The following RALGPS2 variants were observed in gnomAD, a reference collection of about 807,000 sequenced individuals.
The protein encoded by RALGPS2 is Ral GEF with PH domain and SH3 binding motif 2, also known as ras-specific guanine nucleotide-releasing factor RalGPS2.
A neutral mutation model predicts 86.8 loss-of-function variants in RALGPS2; 43 were observed. That is an observed-to-expected ratio of 0.50 (90% CI 0.39 to 0.64). The LOEUF (loss-of-function observed/expected upper bound fraction) is 0.64, where lower values mean the gene tolerates loss of function less well. RALGPS2 is among the 30% of genes least tolerant of loss of function. The pLI is 0.00. For missense variants in RALGPS2, 536 were observed against 694.6 expected (o/e 0.77, Z 2.57); for synonymous variants, 243 against 231.3 (o/e 1.05, Z -0.46).
At chr1:178,865,351 G>C (rs1460037819) in intron 8 of RALGPS2, 1 of 1,614,082 alleles carries the variant, frequency 6.2e-7, no homozygotes, top group South Asian at 1.1e-5. Context: ...CCCTCTTACG[G>C]ATAATCTCAT....
intron 10 of RALGPS2, among the ~76,000 whole-genome samples, chr1:178,881,386 CTT>C (rs1219395726): frequency 6.6e-6 from 1 of 152,092 alleles, no homozygotes; most frequent in Non-Finnish European, 1.5e-5. Flanking sequence ...GAAACAGTGT[CTT>C]TGCATGGCGA....
chr1:178,756,155 G>C (rs963701469), intron 1 of RALGPS2, among the ~76,000 whole-genome samples: 1 of 151,898 alleles, frequency 6.6e-6, no homozygotes, highest in Admixed American at 6.6e-5. Context: ...TTGTGGAAGA[G>C]CTCTTTAATT....
In RALGPS2 at chr1:178,825,743, G is replaced by T. The variant is rs1455217342; in HGVS notation, c.480+4039G>T. ...AAAATAAAATAAAATAAAAAATTTA[G>T]CTCCTTGATCATACTAGCCACATTG... On this transcript the variant is annotated intron_variant, in intron 7 of 19. Transcript: ENST00000367635. 5.3e-5 allele frequency among the ~76,000 whole-genome samples: 8 copies of T among 152,114 alleles called. No homozygotes were observed. In the East Asian group the frequency reaches 1.5e-3, roughly 29 times the overall value.
chr1:178,852,756 AT>A (rs1558150044), intron 8 of RALGPS2: 1 of 1,613,870 alleles, frequency 6.2e-7, no homozygotes, highest in Non-Finnish European at 8.5e-7. Context: ...AATCCCCTGC[AT>A]TTCCCTGGTA....
intron 19 of RALGPS2, among the ~76,000 whole-genome samples, chr1:178,910,054 T>G (rs568086871): frequency 6.6e-6 from 1 of 152,280 alleles, no homozygotes; most frequent in African/African-American, 2.4e-5. Flanking sequence ...TTGATTTGGC[T>G]CTCAGTTTGA....
intron 1 of RALGPS2, among the ~76,000 whole-genome samples, chr1:178,750,982 A>G (rs1465782060): frequency 6.6e-6 from 1 of 152,172 alleles, no homozygotes; most frequent in Non-Finnish European, 1.5e-5. Context: ...GGAATTGGAC[A>G]ATGTATGGCC....
rs184377175 is a variant in RALGPS2, at chr1:178,735,998, A to T, written c.-84+10579A>T. Among the ~76,000 whole-genome samples, 592 of 151,950 alleles carry T rather than the reference A, an allele frequency of 3.9e-3. 3 individuals carry two copies. The highest frequency in any genetic ancestry group is 5.0e-3 in the Non-Finnish European group (339 of 67,974). On this transcript the variant is annotated intron_variant, in intron 1 of 19. Transcript: ENST00000367635. ...CCTGTACTTACATAATTTCCTTTTG[A>T]TGAATTCCTAAAAAGGGAGTTATTT...
chr1:178,725,511 G>T (rs1216747868), intron 1 of RALGPS2, 92 bp downstream of exon 1: 7 of 153,330 alleles, frequency 4.6e-5, no homozygotes, highest in South Asian at 1.9e-4. Flanking sequence ...GAATGGCGGC[G>T]GCGGCGCTGC....
At chr1:178,829,890 G>A (rs552436916) in intron 7 of RALGPS2, among the ~76,000 whole-genome samples, 12 of 151,956 alleles carry the variant, frequency 7.9e-5, no homozygotes, top group South Asian at 2.1e-4. Context: ...GATTACAGGC[G>A]CCCACCATTT....
At chr1:178,861,156 T>A (rs1415921577) in intron 8 of RALGPS2, among the ~76,000 whole-genome samples, 2 of 152,216 alleles carry the variant, frequency 1.3e-5, no homozygotes, top group East Asian at 1.9e-4. Flanking sequence ...AATTCCATGC[T>A]CTTTCCCTTA....
intron 8 of RALGPS2, among the ~76,000 whole-genome samples, chr1:178,840,510 A>G (rs902152448): frequency 1.3e-5 from 2 of 152,348 alleles, no homozygotes; most frequent in Non-Finnish European, 1.5e-5. Flanking sequence ...CAGTGTGTAG[A>G]GGGAAATTTA....
In RALGPS2 at chr1:178,777,117, A is replaced by G. The variant is rs1338172572; in HGVS notation, c.57+296A>G. Among the ~76,000 whole-genome samples the G allele has an allele frequency of 3.9e-5, 3 of 76,766 alleles. No individual in the cohort carries two copies. The East Asian group carries it at 1.2e-3, about 30-fold the overall frequency. The allele number at this position is 76,766 out of a possible 152,430, so 50.4% of individuals were successfully genotyped here. On this transcript the variant is annotated intron_variant, in intron 2 of 19. Transcript: ENST00000367635. ...CCCTCCCCCCTCCCCCCACCCCACC[A>G]CAATCCCCAGAGTGTGGTATTCCCC...
At chr1:178,784,073 G>A (rs1653527661) in intron 2 of RALGPS2, among the ~76,000 whole-genome samples, 2 of 152,094 alleles carry the variant, frequency 1.3e-5, no homozygotes, top group South Asian at 2.1e-4. Flanking sequence ...TTGTAAGTAA[G>A]TGTATAGCCT....
In RALGPS2 at chr1:178,785,611, A is replaced by C; in HGVS notation, c.213+4A>C. The stretch of plus-strand genomic sequence containing the variant: ...ATTTAAAGCTATTCAACCAGATGTA[A>C]GTAGTTTTGAGAATGTTCCTTTTAA... On this transcript the variant is annotated splice_donor_region_variant and intron_variant, in intron 4 of 19. Transcript: ENST00000367635. 1 of 1,576,124 alleles carries C rather than the reference A, an allele frequency of 6.3e-7. No individual in the cohort carries two copies. Among genetic ancestry groups the C allele is most frequent in the Non-Finnish European group, 8.6e-7 (1 of 1,162,720 alleles).
chr1:178,845,308 C>A (rs1421124605), intron 8 of RALGPS2, among the ~76,000 whole-genome samples: 2 of 152,026 alleles, frequency 1.3e-5, no homozygotes, highest in African/African-American at 4.8e-5. Context: ...TTCCCCTTCC[C>A]CATTTAATTT....
intron 2 of RALGPS2, among the ~76,000 whole-genome samples, chr1:178,777,346 G>C (rs1413864405): frequency 1.5e-4 from 23 of 152,058 alleles, no homozygotes; most frequent in East Asian, 9.7e-4. Flanking sequence ...GGATGTGAAG[G>C]ACCTCTTCAA....
intron 1 of RALGPS2, among the ~76,000 whole-genome samples, chr1:178,753,403 G>C (rs1459871958): frequency 6.6e-6 from 1 of 152,144 alleles, no homozygotes; most frequent in Non-Finnish European, 1.5e-5. Context: ...GGTTTGAAAT[G>C]CACCCTAAGT....
At chr1:178,880,797 AT>A (rs1317017865) in intron 10 of RALGPS2, among the ~76,000 whole-genome samples, 1 of 152,170 alleles carries the variant, frequency 6.6e-6, no homozygotes, top group Non-Finnish European at 1.5e-5. Flanking sequence ...AGGATGGCAA[AT>A]TTTTTGTGAC....
In RALGPS2 at chr1:178,767,943, A is replaced by G. The variant is rs58784998; in HGVS notation, c.-83-8739A>G. On this transcript the variant is annotated intron_variant, in intron 1 of 19. Transcript: ENST00000367635. ...AGCTGAGTTCCCACAGAGCACAACT[A>G]TAGGCCAGAAGCTGTCTCGAACTCC... is the stretch of plus-strand genomic sequence containing the variant. Among the ~76,000 whole-genome samples, 1,505 of 152,266 alleles carry G rather than the reference A, an allele frequency of 9.9e-3. 23 individuals carry two copies. Among genetic ancestry groups the G allele is most frequent in the African/African-American group, 0.034 (1,433 of 41,554 alleles).
Sources: gnomAD v4.1 joint callset for allele counts (sites outside exome capture counted in the v4.1 genomes callset) on GRCh38, gnomAD v4.1.1 for gene constraint, MANE v1.5 for transcripts, NCBI Gene and HGNC (gene_info 2026-07-23, HGNC 2026-07-21) for gene names.